SEMA5A: variants seen among roughly 807,000 people sequenced by gnomAD.
SEMA5A encodes semaphorin-5A.
Under a neutral mutation model 135.5 loss-of-function variants are expected in SEMA5A, and 55 were observed. The ratio of observed to expected loss-of-function variants is 0.41; its 90% confidence interval spans 0.33 to 0.51. SEMA5A has a LOEUF of 0.51. Among genes scored for constraint, SEMA5A ranks in the 20% least tolerant of loss-of-function variants. SEMA5A has a pLI of 0.37. For synonymous variants in SEMA5A, 580 were observed against 546.5 expected, an observed-to-expected ratio of 1.06 and a Z score of -0.85; for missense variants, 1,290 against 1,419.9, an observed-to-expected ratio of 0.91 and a Z score of 1.47.
chr5:9,182,621 G>T (rs145898203), intron 11 of SEMA5A, among the ~76,000 whole-genome samples: 1,932 of 151,902 alleles, frequency 0.013, 43 homozygotes, highest in African/African-American at 0.044. Flanking sequence ...GGCTGAGCAT[G>T]CCATGCTCAC....
chr5:9,398,668 A>G (rs1328794578), intron 2 of SEMA5A, among the ~76,000 whole-genome samples: 1 of 152,218 alleles, frequency 6.6e-6, no homozygotes, highest in East Asian at 1.9e-4. Context: ...AGTCTCTTCC[A>G]TTTACCAAAT....
chr5:9,332,259 T>TC (rs1385522815), intron 4 of SEMA5A, among the ~76,000 whole-genome samples: 1 of 144,806 alleles, frequency 6.9e-6, no homozygotes, highest in African/African-American at 2.6e-5. Context: ...TATGGGCTGG[T>TC]ACATTGGGTC....
At chr5:9,044,779 G>GATTATT (rs372233462) in intron 21 of SEMA5A, among the ~76,000 whole-genome samples, 195 bp from the exon 22 acceptor site, 5 of 151,758 alleles carry the variant, frequency 3.3e-5, no homozygotes, top group African/African-American at 9.7e-5. Flanking sequence ...GGGAGCACAG[G>GATTATT]ATTATTATTA....
intron 1 of SEMA5A, among the ~76,000 whole-genome samples, chr5:9,527,386 T>C (rs1737194793): frequency 6.6e-6 from 1 of 152,174 alleles, no homozygotes; most frequent in Non-Finnish European, 1.5e-5. Context: ...TTCTCTTTCT[T>C]TTTTCCTACC....
chr5:9,466,139 G>A (rs1057065997), intron 1 of SEMA5A, among the ~76,000 whole-genome samples: 2 of 152,096 alleles, frequency 1.3e-5, no homozygotes, highest in East Asian at 1.9e-4. Flanking sequence ...AGATACCTGG[G>A]TACCAATGTG....
intron 3 of SEMA5A, among the ~76,000 whole-genome samples, chr5:9,361,133 T>C (rs546727058): frequency 1.3e-5 from 2 of 152,140 alleles, no homozygotes; most frequent in East Asian, 3.9e-4. Flanking sequence ...ACGCTGTCTC[T>C]ACTAAAAATA....
intron 1 of SEMA5A, among the ~76,000 whole-genome samples, chr5:9,470,009 A>G (rs1759417635): frequency 6.6e-6 from 1 of 152,220 alleles, no homozygotes. Context: ...GGGGGAATTA[A>G]AAGAGACAGT....
At position 9,147,608 on chromosome 5, in the gene SEMA5A, C is replaced by T. The variant is rs1480084343; in HGVS notation, c.1481+6880G>A. On this transcript the variant is annotated intron_variant, in intron 12 of 22. Transcript: ENST00000382496. ...TTAATGGTCCATCTTTCCCTCTAGT[C>T]TTATAAGGCACAATTTAAAAGGTGT... 2.0e-5 allele frequency among the ~76,000 whole-genome samples: 3 copies of T among 151,240 alleles called. No individual in the cohort carries two copies. The East Asian group carries it at 5.8e-4, about 29-fold the overall frequency.
intron 11 of SEMA5A, among the ~76,000 whole-genome samples, chr5:9,162,404 GTA>G (rs140481114): frequency 1.0e-3 from 127 of 124,220 alleles, no homozygotes; most frequent in Middle Eastern, 7.9e-3. Flanking sequence ...GTGTGTGTGT[GTA>G]TATATATGTG....
intron 3 of SEMA5A, among the ~76,000 whole-genome samples, chr5:9,340,500 C>A (rs984641724): frequency 6.6e-6 from 1 of 152,146 alleles, no homozygotes; most frequent in Non-Finnish European, 1.5e-5. Context: ...CAACAGGAAC[C>A]AGGCTAAAGA....
chr5:9,234,988 G>A (rs1747822530), intron 6 of SEMA5A, among the ~76,000 whole-genome samples: 1 of 152,162 alleles, frequency 6.6e-6, no homozygotes, highest in Non-Finnish European at 1.5e-5. Context: ...AACAACCAAT[G>A]ATCACGGCTT....
chr5:9,481,639 C>T (rs1759879569), intron 1 of SEMA5A, among the ~76,000 whole-genome samples: 1 of 152,168 alleles, frequency 6.6e-6, no homozygotes, highest in African/African-American at 2.4e-5. Flanking sequence ...TATTTTACTT[C>T]CTTTTCCCTT....
chr5:9,223,727 C>T (rs941345585), intron 8 of SEMA5A, among the ~76,000 whole-genome samples: 1 of 152,178 alleles, frequency 6.6e-6, no homozygotes, highest in African/African-American at 2.4e-5. Context: ...ACACATGGTA[C>T]ATATACATTG....
intron 5 of SEMA5A, among the ~76,000 whole-genome samples, chr5:9,308,174 C>T (rs1751961023): frequency 6.6e-6 from 1 of 152,126 alleles, no homozygotes; most frequent in African/African-American, 2.4e-5. Flanking sequence ...TGGGTGCTAT[C>T]GGCACCCCAT....
At position 9,078,427 on chromosome 5, in the gene SEMA5A, C is replaced by T. The variant is rs931755013; in HGVS notation, c.2074-11781G>A. ...ATTGAATACATAACAAAAGTCTAAG[C>T]GAGACTGTGTTATTTAAGATTAAGG... On this transcript the variant is annotated intron_variant, in intron 16 of 22. Transcript: ENST00000382496. Among the ~76,000 whole-genome samples the T allele has an allele frequency of 1.4e-4, 22 of 151,820 alleles. No homozygotes were observed. In the South Asian group the frequency reaches 1.7e-3, roughly 11 times the overall value.
intron 1 of SEMA5A, among the ~76,000 whole-genome samples, chr5:9,455,257 ATTT>A (rs5865834): frequency 3.7e-4 from 55 of 148,964 alleles, no homozygotes; most frequent in African/African-American, 1.2e-3. Flanking sequence ...TTATTTATTT[ATTT>A]TTTTTTTTTT....
rs551522337 is a variant in SEMA5A, at chr5:9,190,256, A to G, written c.1273+11T>C. 1.2e-6 allele frequency: 2 copies of G among 1,613,406 alleles called. No homozygotes were observed. The highest frequency in any genetic ancestry group is 3.3e-5 in the Admixed American group (2 of 60,012). On this transcript the variant is annotated intron_variant, in intron 11 of 22. Transcript: ENST00000382496. ...GGTAGAAAACCCCTCAGAGGGGGCCAGAGCTCCTACCTGTGGCCAAATAGA... is the reference window on the plus strand; with the variant it reads ...GGTAGAAAACCCCTCAGAGGGGGCCGGAGCTCCTACCTGTGGCCAAATAGA...
intron 2 of SEMA5A, among the ~76,000 whole-genome samples, chr5:9,436,821 C>T (rs962074199): frequency 1.3e-5 from 2 of 152,208 alleles, no homozygotes; most frequent in Non-Finnish European, 2.9e-5. Flanking sequence ...TTCCTCTCTT[C>T]TAGCCTTCCC....
chr5:9,129,823 G>A (rs1169204228), intron 13 of SEMA5A, among the ~76,000 whole-genome samples: 1 of 152,108 alleles, frequency 6.6e-6, no homozygotes, highest in Non-Finnish European at 1.5e-5. Context: ...CAACACATCT[G>A]TAGCACCTAC....
Sources: gnomAD v4.1 joint callset for allele counts (sites outside exome capture counted in the v4.1 genomes callset) on GRCh38, gnomAD v4.1.1 for gene constraint, MANE v1.5 for transcripts, NCBI Gene and HGNC (gene_info 2026-07-23, HGNC 2026-07-21) for gene names.